The following PARVG variants were observed in gnomAD, a reference collection of about 807,000 sequenced individuals.
PARVG encodes gamma-parvin.
PARVG carries 36 observed loss-of-function variants against 44.4 expected under a neutral mutation model. The observed-to-expected ratio is 0.81, with a 90% CI of 0.62 to 1.07. The LOEUF (loss-of-function observed/expected upper bound fraction) is 1.07. Among genes scored for constraint, PARVG ranks in the 50% least tolerant of loss-of-function variants. The pLI is 0.00. For missense variants in PARVG, 407 were observed against 407.4 expected (o/e 1.00, Z 0.01); for synonymous variants, 170 against 174.1 (o/e 0.98, Z 0.19).
intron 4 of PARVG, 73 bp downstream of exon 4, chr22:44,185,945 G>A: frequency 2.1e-6 from 3 of 1,461,244 alleles, no homozygotes; most frequent in Non-Finnish European, 2.8e-6. Context: ...CCACGGGGCG[G>A]GGACAGCAGG....
chr22:44,186,125 G>A, intron 4 of PARVG: 1 of 358,142 alleles, frequency 2.8e-6, no homozygotes, highest in Non-Finnish European at 5.5e-6. Flanking sequence ...GATTTGAGGG[G>A]AATCTATTAT....
Position 44,187,719 on chromosome 22 carries a change from G to A in PARVG, c.145-57G>A, listed in dbSNP as rs866394688. 6.3e-5 allele frequency: 98 copies of A among 1,546,038 alleles called. No homozygotes were observed. In the Middle Eastern group the frequency reaches 1.2e-3, roughly 19 times the overall value. On this transcript the variant is annotated intron_variant, in intron 4 of 13. Transcript: ENST00000444313. ...GAGAGGCAGGCATTCTGAGCCAGGT[G>A]GAGGGCCAGGTGAGAAGTCTCCATC... is the stretch of plus-strand genomic sequence containing the variant.
chr22:44,185,250 A>T (rs900140764), intron 3 of PARVG: 1 of 153,074 alleles, frequency 6.5e-6, no homozygotes. Flanking sequence ...CTGACTCAGT[A>T]TCCCCCCATG....
rs1345062447 is a variant in PARVG at position 44,193,830 on chromosome 22, A to G, written c.583+7A>G. 1.9e-6 allele frequency: 3 copies of G among 1,613,990 alleles called. No individual in the cohort carries two copies. Among genetic ancestry groups the G allele is most frequent in the African/African-American group, 1.3e-5 (1 of 74,904 alleles). On this transcript the variant is annotated splice_region_variant and intron_variant, in intron 9 of 13. Coordinates refer to ENST00000444313, the MANE Select transcript of PARVG (RefSeq NM_022141.7). ...GACAAGGACGAGCCTCCAAGTGAGTACTTTCATCATTTTTGGAAATCTGTT... is the reference window on the plus strand; with the variant it reads ...GACAAGGACGAGCCTCCAAGTGAGTGCTTTCATCATTTTTGGAAATCTGTT...
chr22:44,189,035 T>C, intron 5 of PARVG, 79 bp from the exon 6 acceptor site: 6 of 1,578,898 alleles, frequency 3.8e-6, no homozygotes, highest in Non-Finnish European at 5.2e-6. Flanking sequence ...CCAGGCAGGC[T>C]CAGCCTCCTG....
intron 11 of PARVG, 113 bp from the exon 12 acceptor site, chr22:44,198,508 C>T (rs1007491166): frequency 2.5e-6 from 2 of 804,900 alleles, no homozygotes; most frequent in African/African-American, 3.4e-5. Context: ...CATCAAGGCA[C>T]CAGAGGCTCA....
chr22:44,178,193 C>T (rs1266830034), upstream of PARVG, among the ~76,000 whole-genome samples: 4 of 152,168 alleles, frequency 2.6e-5, no homozygotes, highest in East Asian at 7.7e-4. Flanking sequence ...TGGACTAATA[C>T]ACATAGGAAC....
chr22:44,192,182 A>T, intron 8 of PARVG, 78 bp downstream of exon 8: 1 of 1,526,036 alleles, frequency 6.6e-7, no homozygotes, highest in Non-Finnish European at 9.0e-7. Flanking sequence ...GCCAGGGCAG[A>T]TCTGCCTGAC....
intron 9 of PARVG, among the ~76,000 whole-genome samples, chr22:44,195,802 G>C (rs1452386630): frequency 1.4e-4 from 21 of 152,230 alleles, no homozygotes; most frequent in Admixed American, 1.4e-3. Context: ...AAGGGATGCA[G>C]CTGTGCAGAT....
chr22:44,195,489 T>C (rs2054605817), intron 9 of PARVG, among the ~76,000 whole-genome samples: 1 of 152,112 alleles, frequency 6.6e-6, no homozygotes, highest in African/African-American at 2.4e-5. Flanking sequence ...ATAGCAGGAA[T>C]CCAGCTAGTG....
chr22:44,180,393 C>G (rs1212657509), upstream of PARVG, among the ~76,000 whole-genome samples: 1 of 152,188 alleles, frequency 6.6e-6, no homozygotes, highest in Non-Finnish European at 1.5e-5. Context: ...TATACCGTCT[C>G]TTTGCTGCTG....
At position 44,173,252 on chromosome 22, in the gene PARVG, AGCGGCCAGGAGCACAG is replaced by A; in HGVS notation, c.-189+64_-189+79del. The A allele has an allele frequency of 4.3e-6, 5 of 1,173,266 alleles. No individual in the cohort carries two copies. In the South Asian group the frequency reaches 7.7e-5, roughly 18 times the overall value. 72.7% of individuals were successfully genotyped at this position (1,173,266 alleles called of 1,614,324 possible). A position where few individuals can be genotyped will look rare whatever the true frequency, so the allele number is the denominator to read the frequency against. ...GTCCAGACCATACGTGCACAAAGCT[AGCGGCCAGGAGCACAG>A]GCTGCATGACACATGGAGGTGGTCT... On this transcript the variant is annotated intron_variant, in intron 1 of 13. Transcript: ENST00000422871.
At chr22:44,191,741 G>A (rs1362456841) in intron 7 of PARVG, among the ~76,000 whole-genome samples, 1 of 152,120 alleles carries the variant, frequency 6.6e-6, no homozygotes, top group African/African-American at 2.4e-5. Context: ...TCCCTACCAA[G>A]CAGTTGTGTG....
intron 12 of PARVG, among the ~76,000 whole-genome samples, chr22:44,203,330 C>T (rs2054734612): frequency 6.6e-6 from 1 of 152,142 alleles, no homozygotes. Context: ...CAAATGGGTT[C>T]TATGAATAAA....
At chr22:44,173,220 TGC>T in intron 1 of PARVG, 1 of 1,225,260 alleles carries the variant, frequency 8.2e-7, no homozygotes, top group South Asian at 1.4e-5. Flanking sequence ...TCTGCCCCTC[TGC>T]CTGGGTCCAG....
At chr22:44,189,518 A>G (rs1451167320) in intron 6 of PARVG, among the ~76,000 whole-genome samples, 1 of 152,220 alleles carries the variant, frequency 6.6e-6, no homozygotes, top group African/African-American at 2.4e-5. Flanking sequence ...TCTGTTTGCT[A>G]TCTGAATGAC....
At chr22:44,181,378 T>C in intron 1 of PARVG, 193 bp downstream of exon 1, 1 of 983,388 alleles carries the variant, frequency 1.0e-6, no homozygotes, top group Non-Finnish European at 1.2e-6. Flanking sequence ...CAGGTAGGAG[T>C]CTCCTGCGTG....
At chr22:44,190,415 A>C (rs1267350824) in intron 6 of PARVG, 136 bp from the exon 7 acceptor site, 1 of 654,960 alleles carries the variant, frequency 1.5e-6, no homozygotes. Flanking sequence ...ACGTATCTCC[A>C]GATCTCTGCT....
intron 11 of PARVG, among the ~76,000 whole-genome samples, chr22:44,196,856 G>A (rs1289452583): frequency 6.6e-6 from 1 of 152,146 alleles, no homozygotes; most frequent in East Asian, 1.9e-4. Flanking sequence ...ACCCTGAGGA[G>A]CCCAGCCCCT....
Sources: allele counts gnomAD v4.1 joint callset (sites outside exome capture counted in the v4.1 genomes callset), GRCh38; gene constraint gnomAD v4.1.1; transcripts MANE v1.5; gene names NCBI Gene and HGNC (gene_info 2026-07-23, HGNC 2026-07-21).